The following SND1 variants were observed in gnomAD, a reference collection of about 807,000 sequenced individuals.
The protein encoded by SND1 is staphylococcal nuclease and tudor domain containing 1, also known as staphylococcal nuclease domain-containing protein 1.
In SND1, 38 loss-of-function variants were observed where a neutral mutation model predicts 121.7. That is an observed-to-expected ratio of 0.31 (90% CI 0.24 to 0.41). SND1 has a LOEUF of 0.41. SND1 is among the 10% of genes least tolerant of loss of function. The pLI is 1.00. For synonymous variants in SND1, 401 were observed against 447.4 expected (o/e 0.90, Z 1.31); for missense variants, 868 against 1,184.6 (o/e 0.73, Z 3.92).
At chr7:127,970,165 A>G (rs953664934) in intron 15 of SND1, among the ~76,000 whole-genome samples, 3 of 152,230 alleles carry the variant, frequency 2.0e-5, no homozygotes, top group African/African-American at 4.8e-5. Context: ...ATCATAGTCT[A>G]TCAGATTATC....
intron 10 of SND1, among the ~76,000 whole-genome samples, chr7:127,722,636 C>G (rs1207696879): frequency 6.6e-6 from 1 of 152,154 alleles, no homozygotes; most frequent in East Asian, 1.9e-4. Flanking sequence ...TGCACATATA[C>G]ATATCTTGGT....
At chr7:127,656,524 T>C (rs758990559) in intron 1 of SND1, among the ~76,000 whole-genome samples, 1 of 152,104 alleles carries the variant, frequency 6.6e-6, no homozygotes, top group African/African-American at 2.4e-5. Flanking sequence ...AGTTTCACCA[T>C]GTTGGCTGGT....
chr7:128,066,658 G>A (rs770406996), intron 16 of SND1, among the ~76,000 whole-genome samples: 1 of 152,172 alleles, frequency 6.6e-6, no homozygotes, highest in Admixed American at 6.5e-5. Context: ...GAAAGAAGTC[G>A]GTGTGGCTGT....
intron 15 of SND1, among the ~76,000 whole-genome samples, chr7:127,969,572 G>C (rs1303098294): frequency 1.3e-5 from 2 of 152,018 alleles, no homozygotes; most frequent in Non-Finnish European, 2.9e-5. Flanking sequence ...AAAAATACAA[G>C]AATTAGCCAG....
chr7:128,058,980 G>T (rs6950644), intron 16 of SND1, among the ~76,000 whole-genome samples: 2 of 151,948 alleles, frequency 1.3e-5, no homozygotes, highest in Non-Finnish European at 2.9e-5. Flanking sequence ...CCTTCTCCTG[G>T]CTTCTGTTCT....
intron 16 of SND1, chr7:127,997,801 A>G (rs1297946220): frequency 3.7e-6 from 2 of 534,750 alleles, no homozygotes; most frequent in South Asian, 2.8e-5. Context: ...CCCATCTCTC[A>G]GGTAGACTTA....
At chr7:127,716,202 A>G (rs765947614) in intron 9 of SND1, among the ~76,000 whole-genome samples, 5 of 152,148 alleles carry the variant, frequency 3.3e-5, no homozygotes, top group Admixed American at 6.5e-5. Flanking sequence ...GTCTCTTGAG[A>G]TTCCATATGA....
chr7:128,009,606 T>C (rs998125642), intron 16 of SND1, among the ~76,000 whole-genome samples: 5 of 152,160 alleles, frequency 3.3e-5, no homozygotes, highest in African/African-American at 1.2e-4. Context: ...ATTTAAATAA[T>C]TTCAAGGTAA....
At chr7:127,905,851 G>A (rs1221338959) in intron 14 of SND1, among the ~76,000 whole-genome samples, 5 of 152,168 alleles carry the variant, frequency 3.3e-5, no homozygotes, top group Non-Finnish European at 7.3e-5. Context: ...GGCACTCAGG[G>A]AATTTGCCTT....
intron 15 of SND1, among the ~76,000 whole-genome samples, chr7:127,980,492 T>A (rs1478225647): frequency 6.6e-6 from 1 of 152,208 alleles, no homozygotes; most frequent in Non-Finnish European, 1.5e-5. Context: ...AGGTTTTTTT[T>A]ATTCATGCTC....
chr7:127,684,162 A>C (rs1795774653), intron 1 of SND1, among the ~76,000 whole-genome samples: 1 of 152,204 alleles, frequency 6.6e-6, no homozygotes, highest in African/African-American at 2.4e-5. Flanking sequence ...GGCTTGAGAA[A>C]CAAAGATGGT....
chr7:127,715,988 G>A (rs1796382052), intron 9 of SND1, among the ~76,000 whole-genome samples: 1 of 152,150 alleles, frequency 6.6e-6, no homozygotes, highest in Non-Finnish European at 1.5e-5. Flanking sequence ...CTCATTGAAT[G>A]GTCTTTGCAC....
At chr7:127,909,554 C>T (rs1005501440) in intron 14 of SND1, among the ~76,000 whole-genome samples, 4 of 151,892 alleles carry the variant, frequency 2.6e-5, no homozygotes, top group African/African-American at 4.8e-5. Context: ...CACTCCTGGG[C>T]TCAAGTGATC....
chr7:127,734,088 C>T (rs2116417926), intron 10 of SND1, among the ~76,000 whole-genome samples: 1 of 152,132 alleles, frequency 6.6e-6, no homozygotes, highest in Middle Eastern at 3.4e-3. Flanking sequence ...GCTCTATCTC[C>T]AGGATTTTCG....
intron 16 of SND1, chr7:128,028,995 T>C (rs771036089): frequency 1.1e-5 from 18 of 1,612,988 alleles, no homozygotes; most frequent in Non-Finnish European, 1.5e-5. Flanking sequence ...CTTACGAAGT[T>C]TATAGAAGAC....
At chr7:128,033,864 G>C (rs899122758) in intron 16 of SND1, among the ~76,000 whole-genome samples, 2 of 152,196 alleles carry the variant, frequency 1.3e-5, no homozygotes, top group African/African-American at 4.8e-5. Flanking sequence ...TATTCTCCTA[G>C]TGGGATGAGA....
chr7:127,898,713 G>C (rs1800166573), intron 13 of SND1, among the ~76,000 whole-genome samples: 1 of 152,072 alleles, frequency 6.6e-6, no homozygotes. Context: ...TTATTTAATA[G>C]GTGTTCCTTA....
At chr7:127,663,612 G>A (rs1372805263) in intron 1 of SND1, among the ~76,000 whole-genome samples, 5 of 152,088 alleles carry the variant, frequency 3.3e-5, no homozygotes, top group East Asian at 3.9e-4. Context: ...TCCTTACCTC[G>A]TGATCCGCCT....
At chr7:128,086,236 T>A (rs1468887497) in intron 20 of SND1, among the ~76,000 whole-genome samples, 3 of 152,088 alleles carry the variant, frequency 2.0e-5, no homozygotes, top group African/African-American at 7.2e-5. Flanking sequence ...GGGAGAAAAA[T>A]TTCTCCGGCT....
Sources: allele counts gnomAD v4.1 joint callset (sites outside exome capture counted in the v4.1 genomes callset), GRCh38; gene constraint gnomAD v4.1.1; transcripts MANE v1.5; gene names NCBI Gene and HGNC (gene_info 2026-07-23, HGNC 2026-07-21).